Variants in SHROOM4 observed in about 807,000 individuals in gnomAD.
SHROOM4 encodes the protein shroom family member 4.
In SHROOM4, 17 loss-of-function variants were observed where a neutral mutation model predicts 80.3. The ratio of observed to expected loss-of-function variants is 0.21; its 90% CI spans 0.14 to 0.32. SHROOM4 has a LOEUF of 0.32. SHROOM4 is among the 10% of genes least tolerant of loss of function. The probability of loss-of-function intolerance (pLI) is 1.00; values close to 1 mark genes in which losing one functional copy is unlikely to be tolerated. For synonymous variants in SHROOM4, 400 were observed against 437.5 expected (o/e 0.91, Z 1.07); for missense variants, 993 against 1,140.3 (o/e 0.87, Z 1.86).
At chrX:50,795,037 TCTC>T (rs782215979) in intron 1 of SHROOM4, among the ~76,000 whole-genome samples, 1 of 8,601 alleles carries the variant, frequency 1.2e-4, no homozygotes, top group African/African-American at 1.3e-4. Flanking sequence ...ATCATATATA[TCTC>T]ATATATATAT....
At chrX:50,762,878 T>C (rs1251882378) in intron 1 of SHROOM4, among the ~76,000 whole-genome samples, 2 of 111,989 alleles carry the variant, frequency 1.8e-5, no homozygotes, top group Non-Finnish European at 3.8e-5. Context: ...TAGGTGTATA[T>C]CTTTATGCCT....
downstream of SHROOM4, among the ~76,000 whole-genome samples, chrX:50,584,445 A>G (rs1557244591): frequency 8.9e-6 from 1 of 111,738 alleles, no homozygotes; most frequent in African/African-American, 3.3e-5. Context: ...GGGCTTTGAA[A>G]CCTATCAAAA....
chrX:50,789,029 A>G (rs782163781), intron 1 of SHROOM4, among the ~76,000 whole-genome samples: 14 of 112,233 alleles, frequency 1.2e-4, no homozygotes, highest in Middle Eastern at 4.6e-3. Flanking sequence ...CATTGACAGA[A>G]CTAAAGGGAG....
intron 4 of SHROOM4, among the ~76,000 whole-genome samples, chrX:50,631,326 G>GA (rs1557254086): frequency 1.8e-5 from 2 of 110,348 alleles, no homozygotes; most frequent in Admixed American, 9.7e-5. Context: ...AAAAGCATTT[G>GA]AAAAAAAATA....
chrX:50,765,254 C>A (rs1935249916), intron 1 of SHROOM4, among the ~76,000 whole-genome samples: 1 of 111,707 alleles, frequency 9.0e-6, no homozygotes, highest in Admixed American at 9.5e-5. Flanking sequence ...GTATATAGAC[C>A]AACAAACACA....
At chrX:50,629,060 C>T (rs368986634) in intron 4 of SHROOM4, among the ~76,000 whole-genome samples, 12 of 112,051 alleles carry the variant, frequency 1.1e-4, no homozygotes, top group African/African-American at 3.2e-4. Context: ...GCCCTGTGGA[C>T]GTGCTCAGTA....
At chrX:50,779,939 G>T (rs1935589010) in intron 1 of SHROOM4, among the ~76,000 whole-genome samples, 1 of 111,420 alleles carries the variant, frequency 9.0e-6, no homozygotes, top group Non-Finnish European at 1.9e-5. Context: ...AGCGGTGGCA[G>T]CATCTAGTGG....
At chrX:50,655,834 G>A (rs112358937) in intron 2 of SHROOM4, among the ~76,000 whole-genome samples, 6,773 of 109,490 alleles carry the variant, frequency 0.062, 554 homozygotes, top group African/African-American at 0.21. Context: ...TTTTTGAGAA[G>A]CCCCCCTACT....
intron 2 of SHROOM4, among the ~76,000 whole-genome samples, chrX:50,646,508 A>G (rs1407451224): frequency 9.6e-6 from 1 of 103,991 alleles, no homozygotes; most frequent in Non-Finnish European, 2.0e-5. Context: ...CTTATTATAG[A>G]CCCAACCAAG....
At chrX:50,748,587 C>T (rs1030391272) in intron 1 of SHROOM4, among the ~76,000 whole-genome samples, 1 of 111,743 alleles carries the variant, frequency 8.9e-6, no homozygotes, top group Non-Finnish European at 1.9e-5. Context: ...TCCAGGAACC[C>T]TTCCAACTCC....
At chrX:50,803,836 G>A (rs1936175175) in intron 1 of SHROOM4, among the ~76,000 whole-genome samples, 1 of 112,087 alleles carries the variant, frequency 8.9e-6, no homozygotes. Flanking sequence ...AATCTGTGTT[G>A]ACTGGTTGGT....
chrX:50,705,989 T>TAC (rs56363612), intron 1 of SHROOM4, among the ~76,000 whole-genome samples: 2,637 of 74,330 alleles, frequency 0.035, 60 homozygotes, highest in African/African-American at 0.054. Flanking sequence ...TCTCATCCTC[T>TAC]ACACACACAC....
At chrX:50,714,256 T>C (rs781857445) in intron 1 of SHROOM4, among the ~76,000 whole-genome samples, 25 of 112,394 alleles carry the variant, frequency 2.2e-4, no homozygotes, top group African/African-American at 7.7e-4. Flanking sequence ...CAGAAGGTGA[T>C]GCGTGCAGCT....
chrX:50,623,825 T>C (rs1557252451), intron 5 of SHROOM4, among the ~76,000 whole-genome samples: 1 of 111,977 alleles, frequency 8.9e-6, no homozygotes, highest in Non-Finnish European at 1.9e-5. Context: ...ATCCATACAA[T>C]GGAATATTAT....
intron 1 of SHROOM4, among the ~76,000 whole-genome samples, chrX:50,783,823 G>A (rs193203200): frequency 0.011 from 1,215 of 111,715 alleles, 8 homozygotes; most frequent in Non-Finnish European, 0.015. Context: ...TGATCCACCC[G>A]CCTCAGCCAC....
intron 1 of SHROOM4, among the ~76,000 whole-genome samples, chrX:50,768,610 A>T (rs185061205): frequency 1.8e-5 from 2 of 112,283 alleles, no homozygotes; most frequent in Admixed American, 1.9e-4. Flanking sequence ...TATTTCTTAT[A>T]TGTAAAACCT....
At chrX:50,665,018 A>G (rs782033348) in intron 2 of SHROOM4, among the ~76,000 whole-genome samples, 1 of 110,901 alleles carries the variant, frequency 9.0e-6, no homozygotes, top group South Asian at 3.9e-4. Flanking sequence ...CTGAAAAGAC[A>G]CTTTTCAGCA....
At chrX:50,775,943 G>C (rs1360979576) in intron 1 of SHROOM4, among the ~76,000 whole-genome samples, 2 of 112,131 alleles carry the variant, frequency 1.8e-5, no homozygotes, top group African/African-American at 6.5e-5. Context: ...AACAATCCTG[G>C]GACTTAAGTA....
At chrX:50,808,706 C>CT (rs1210569575) in intron 1 of SHROOM4, among the ~76,000 whole-genome samples, 4 of 109,374 alleles carry the variant, frequency 3.7e-5, no homozygotes, top group African/African-American at 1.3e-4. Context: ...CTGAGTCTCT[C>CT]TTTTTTCTTT....
Sources: allele counts gnomAD v4.1 joint callset (sites outside exome capture counted in the v4.1 genomes callset), GRCh38; gene constraint gnomAD v4.1.1; transcripts MANE v1.5; gene names NCBI Gene and HGNC (gene_info 2026-07-23, HGNC 2026-07-21).